ATRNL1: variants seen among roughly 807,000 people sequenced by gnomAD.
The protein encoded by ATRNL1 is attractin like 1, also known as attractin-like protein 1.
A neutral mutation model predicts 182.7 loss-of-function variants in ATRNL1; 95 were observed. The observed-to-expected ratio is 0.52, with a 90% CI of 0.44 to 0.62. The LOEUF is 0.62. Among genes scored for constraint, ATRNL1 ranks in the 20% least tolerant of loss-of-function variants. The pLI, the probability that ATRNL1 is intolerant of heterozygous loss-of-function variation, is 0.00. For missense variants in ATRNL1, 1,471 were observed against 1,679.5 expected (o/e 0.88, Z 2.17); for synonymous variants, 576 against 568.3 (o/e 1.01, Z -0.19).
intron 8 of ATRNL1, among the ~76,000 whole-genome samples, chr10:115,199,668 A>T (rs1371791507): frequency 1.3e-5 from 2 of 152,186 alleles, no homozygotes; most frequent in African/African-American, 4.8e-5. Flanking sequence ...GATTAGGTAC[A>T]TGAATAGCAA....
At chr10:115,721,744 C>T (rs1259274609) in intron 26 of ATRNL1, among the ~76,000 whole-genome samples, 2 of 152,180 alleles carry the variant, frequency 1.3e-5, no homozygotes, top group Non-Finnish European at 2.9e-5. Context: ...CACAGTCAAA[C>T]CATATCACTT....
chr10:115,814,286 C>T (rs375289669), intron 27 of ATRNL1, among the ~76,000 whole-genome samples: 1 of 152,004 alleles, frequency 6.6e-6, no homozygotes, highest in Non-Finnish European at 1.5e-5. Context: ...ATATCATGAT[C>T]TTGATATGGT....
At chr10:115,323,341 G>A (rs7094453) in intron 18 of ATRNL1, among the ~76,000 whole-genome samples, 1,931 of 148,886 alleles carry the variant, frequency 0.013, 36 homozygotes, top group African/African-American at 0.044. Context: ...TTATTTCTTT[G>A]TTGATATTCT....
intron 5 of ATRNL1, among the ~76,000 whole-genome samples, chr10:115,133,139 C>T (rs1194691378): frequency 9.2e-5 from 14 of 152,018 alleles, no homozygotes; most frequent in Admixed American, 2.6e-4. Flanking sequence ...TAGTTTCAGC[C>T]TTCTACATAT....
chr10:115,146,117 T>A (rs1014524165), intron 5 of ATRNL1, among the ~76,000 whole-genome samples: 1 of 152,070 alleles, frequency 6.6e-6, no homozygotes, highest in Non-Finnish European at 1.5e-5. Flanking sequence ...TTTGATAGAA[T>A]TCAGAGTTAG....
At chr10:115,279,980 A>G (rs1014011557) in intron 13 of ATRNL1, among the ~76,000 whole-genome samples, 2 of 152,312 alleles carry the variant, frequency 1.3e-5, no homozygotes, top group East Asian at 1.9e-4. Context: ...AGCACTAGTA[A>G]TATTTCTCCA....
At chr10:115,241,767 A>T (rs1850432998) in intron 10 of ATRNL1, 42 bp downstream of exon 10, 1 of 1,522,616 alleles carries the variant, frequency 6.6e-7, no homozygotes, top group Admixed American at 1.8e-5. Flanking sequence ...AAATATCAGA[A>T]ATTTTCCATA....
intron 21 of ATRNL1, among the ~76,000 whole-genome samples, chr10:115,452,317 T>C (rs782534339): frequency 2.0e-5 from 3 of 152,200 alleles, no homozygotes; most frequent in Non-Finnish European, 2.9e-5. Flanking sequence ...TCCTTTATGA[T>C]TGAGATCTTA....
At chr10:115,870,080 C>G (rs539483407) in intron 28 of ATRNL1, among the ~76,000 whole-genome samples, 23 of 142,828 alleles carry the variant, frequency 1.6e-4, no homozygotes, top group Non-Finnish European at 3.0e-4. Context: ...ATTACTTGTT[C>G]TGAAGCTAGT....
intron 25 of ATRNL1, among the ~76,000 whole-genome samples, chr10:115,537,816 A>AG (rs1852125197): frequency 6.6e-6 from 1 of 152,092 alleles, no homozygotes; most frequent in African/African-American, 2.4e-5. Context: ...TATAATTACC[A>AG]GCTCTCCCAG....
At chr10:115,738,266 T>TGA (rs199590678) in intron 27 of ATRNL1, among the ~76,000 whole-genome samples, 142,717 of 150,124 alleles carry the variant, frequency 0.95, 68,250 homozygotes, top group East Asian at 1. Context: ...AGCCCCAGTC[T>TGA]GTAGCTGGGG....
chr10:115,678,215 A>C (rs1271048261), intron 26 of ATRNL1, among the ~76,000 whole-genome samples: 2 of 152,094 alleles, frequency 1.3e-5, no homozygotes, highest in Non-Finnish European at 2.9e-5. Flanking sequence ...TCATATACTA[A>C]ATTTCTTCAG....
At chr10:115,836,953 G>A (rs1950688420) in intron 27 of ATRNL1, among the ~76,000 whole-genome samples, 1 of 152,070 alleles carries the variant, frequency 6.6e-6, no homozygotes, top group Non-Finnish European at 1.5e-5. Context: ...CTCCTTGAAG[G>A]CTTAATCAAT....
At chr10:115,676,754 AAG>A (rs533891854) in intron 26 of ATRNL1, among the ~76,000 whole-genome samples, 201 of 152,118 alleles carry the variant, frequency 1.3e-3, no homozygotes, top group African/African-American at 4.8e-3. Flanking sequence ...GGAAAGAAAA[AAG>A]AGTAACAGTG....
At chr10:115,703,668 A>T (rs1471154506) in intron 26 of ATRNL1, among the ~76,000 whole-genome samples, 1 of 151,826 alleles carries the variant, frequency 6.6e-6, no homozygotes. Context: ...TAATATACAA[A>T]CATATATGTA....
At chr10:115,604,497 G>T (rs1055239467) in intron 26 of ATRNL1, among the ~76,000 whole-genome samples, 1 of 152,062 alleles carries the variant, frequency 6.6e-6, no homozygotes, top group African/African-American at 2.4e-5. Flanking sequence ...GTAACCCTTT[G>T]TCTGCCTTTG....
At chr10:115,167,110 G>A (rs921026462) in intron 7 of ATRNL1, among the ~76,000 whole-genome samples, 1 of 151,900 alleles carries the variant, frequency 6.6e-6, no homozygotes, top group Non-Finnish European at 1.5e-5. Flanking sequence ...TCCTTTGCAC[G>A]TGGATAGCCA....
intron 5 of ATRNL1, among the ~76,000 whole-genome samples, chr10:115,153,480 T>A (rs1846346267): frequency 6.6e-6 from 1 of 152,210 alleles, no homozygotes; most frequent in Non-Finnish European, 1.5e-5. Flanking sequence ...TTCTTCTAGA[T>A]TTTCTAGTTT....
intron 21 of ATRNL1, among the ~76,000 whole-genome samples, chr10:115,436,375 A>G (rs1424507587): frequency 2.0e-5 from 3 of 152,120 alleles, no homozygotes; most frequent in African/African-American, 7.2e-5. Context: ...ATTCTTATGT[A>G]TTTAAAAAAT....
Sources: allele counts gnomAD v4.1 joint callset (sites outside exome capture counted in the v4.1 genomes callset), GRCh38; gene constraint gnomAD v4.1.1; transcripts MANE v1.5; gene names NCBI Gene and HGNC (gene_info 2026-07-23, HGNC 2026-07-21).